UBXN11: variants seen among roughly 807,000 people sequenced by gnomAD.
The protein encoded by UBXN11 is UBX domain protein 11, also known as UBX domain-containing protein 11.
UBXN11 carries 47 observed loss-of-function variants against 62.8 expected under a neutral mutation model. The ratio of observed to expected loss-of-function variants is 0.75; its 90% CI spans 0.59 to 0.95. The LOEUF (loss-of-function observed/expected upper bound fraction) is 0.95. Among genes scored for constraint, UBXN11 ranks in the 40% least tolerant of loss-of-function variants. The pLI, the probability that UBXN11 is intolerant of heterozygous loss-of-function variation, is 0.00. For synonymous variants in UBXN11, 294 were observed against 267.0 expected (o/e 1.10, Z -0.99); for missense variants, 638 against 661.7 (o/e 0.96, Z 0.39).
chr1:26,309,245 AT>A (rs34740186), upstream of UBXN11, among the ~76,000 whole-genome samples: 27 of 112,514 alleles, frequency 2.4e-4, no homozygotes, highest in South Asian at 8.6e-4. Context: ...GAGTCAATTG[AT>A]TTTTTTTTTT....
At chr1:26,299,717 G>C (rs964584681) in intron 4 of UBXN11, among the ~76,000 whole-genome samples, 7 of 152,260 alleles carry the variant, frequency 4.6e-5, no homozygotes, top group African/African-American at 1.4e-4. Flanking sequence ...GTCCTCATCT[G>C]TTACCTTGGT....
intron 1 of UBXN11, among the ~76,000 whole-genome samples, chr1:26,313,514 C>T (rs1278494589): frequency 2.0e-5 from 3 of 152,176 alleles, no homozygotes; most frequent in Non-Finnish European, 4.4e-5. Flanking sequence ...TCTTCCCCCA[C>T]TCAAATATCA....
At chr1:26,287,116 C>G (rs1255841151) in intron 8 of UBXN11, among the ~76,000 whole-genome samples, 1 of 152,116 alleles carries the variant, frequency 6.6e-6, no homozygotes, top group African/African-American at 2.4e-5. Flanking sequence ...CCGGGGCTGA[C>G]TCTCAAGTCT....
chr1:26,304,986 TTG>T (rs900897417), intron 1 of UBXN11, among the ~76,000 whole-genome samples: 20 of 152,010 alleles, frequency 1.3e-4, no homozygotes, highest in African/African-American at 4.6e-4. Flanking sequence ...CCCCTTCAGT[TTG>T]TTTTTCACTT....
rs775419102 is a variant in UBXN11 at position 26,285,351 on chromosome 1, G to GT, written c.852+112dup. On this transcript the variant is annotated intron_variant, in intron 10 of 14. Coordinates refer to ENST00000374222, the MANE Select transcript of UBXN11 (RefSeq NM_001389556.1). ...TCCTCCTGGAGGGCATCAGACTGGG[G>GT]TCCCCCAGGGAGTGCAGCGGCTTCC... 1,682 of 1,536,948 alleles carry GT rather than the reference G, an allele frequency of 1.1e-3. 10 individuals carry two copies. Among genetic ancestry groups the GT allele is most frequent in the Middle Eastern group, 6.6e-3 (29 of 4,394 alleles).
chr1:26,288,729 T>C lies in UBXN11; in HGVS notation c.560-2692A>G, dbSNP rs368402349. Among the ~76,000 whole-genome samples, 62 of 152,310 alleles carry C rather than the reference T, an allele frequency of 4.1e-4. 1 individual carries two copies. The highest frequency in any genetic ancestry group is 1.5e-3 in the African/African-American group (61 of 41,558). ...TGCAATGGGGAGATGGTAAGAACCCTGTACTGCCTGCAAGATCCAGCTGGT... is the reference window on the plus strand; with the variant it reads ...TGCAATGGGGAGATGGTAAGAACCCCGTACTGCCTGCAAGATCCAGCTGGT... On this transcript the variant is annotated intron_variant, in intron 8 of 14. Transcript: ENST00000374222.
At position 26,291,251 on chromosome 1, in the gene UBXN11, G is replaced by A. The variant is rs371000027; in HGVS notation, c.559+2954C>T. Among the ~76,000 whole-genome samples, 23 of 152,324 alleles carry A rather than the reference G, an allele frequency of 1.5e-4. 1 individual carries two copies. The highest frequency in any genetic ancestry group is 5.3e-4 in the African/African-American group (22 of 41,568). On this transcript the variant is annotated intron_variant, in intron 8 of 14. Transcript: ENST00000374222. ...CAGGCTGTGAGCCTGAGGCCCCTGG[G>A]CGGAGCAGGGTGGCACCTGGGGAGA...
intron 1 of UBXN11, among the ~76,000 whole-genome samples, chr1:26,312,049 C>T (rs1480462559): frequency 2.0e-5 from 3 of 152,122 alleles, no homozygotes; most frequent in Non-Finnish European, 4.4e-5. Context: ...GTTCCAGAAA[C>T]CGTCATGTTC....
intron 13 of UBXN11, 25 bp downstream of exon 13, chr1:26,282,839 C>T: frequency 6.2e-7 from 1 of 1,613,564 alleles, no homozygotes; most frequent in Non-Finnish European, 8.5e-7. Flanking sequence ...GCCCCCAGGC[C>T]CTCACCTCCT....
upstream of UBXN11, among the ~76,000 whole-genome samples, chr1:26,308,935 A>ATTTTTTT (rs57323315): frequency 1.8e-5 from 2 of 108,268 alleles, no homozygotes; most frequent in African/African-American, 3.6e-5. Flanking sequence ...CAGTCGTTTG[A>ATTTTTTT]TTTTTTTTTT....
At chr1:26,305,362 A>C (rs1479719927) in intron 1 of UBXN11, among the ~76,000 whole-genome samples, 1 of 152,198 alleles carries the variant, frequency 6.6e-6, no homozygotes, top group Non-Finnish European at 1.5e-5. Context: ...TAATTCACAT[A>C]TTTCACCTTC....
At position 26,282,380 on chromosome 1, in the gene UBXN11, ACTGGGGCCGGGACC is replaced by A. The variant is rs779458406; in HGVS notation, c.1468_1481del (p.Gly490SerfsTer?). ...GACTGGGGCCGGGACCGGGACCGGG[ACTGGGGCCGGGACC>A]GGGACCGGGACAGGGACCAGGACTG... On this transcript the variant is annotated frameshift_variant, in exon 15 of 15. Transcript: ENST00000374222. LOFTEE classifies it low-confidence loss of function (END_TRUNC). The A allele has an allele frequency of 9.9e-4, 537 of 544,862 alleles. 8 individuals are homozygous for A. The highest frequency in any genetic ancestry group is 1.0e-3 in the Non-Finnish European group (411 of 405,244). 33.8% of individuals were successfully genotyped at this position (544,862 alleles called of 1,614,324 possible). A position where few individuals can be genotyped will look rare whatever the true frequency, so the allele number is the denominator to read the frequency against.
rs781223956 is a variant in UBXN11, at chr1:26,285,805, C to T, written c.774+18G>A. 6.3e-7 allele frequency: 1 copy of T among 1,581,228 alleles called. No individual in the cohort carries two copies. Among genetic ancestry groups the T allele is most frequent in the Admixed American group, 1.7e-5 (1 of 58,672 alleles). ...AGCAGGGGCACTAGAGCACCACCCC[C>T]CCCAACACCGCTCCTACCTGTGTGG... On this transcript the variant is annotated intron_variant, in intron 9 of 14. Transcript: ENST00000374222.
In UBXN11 at chr1:26,282,448, G is replaced by C. The variant is rs747239048; in HGVS notation, c.1414C>G (p.Arg472Gly). 25 of 1,603,782 alleles carry C rather than the reference G, an allele frequency of 1.6e-5. No homozygotes were observed. Among genetic ancestry groups the C allele is most frequent in the African/African-American group, 6.7e-5 (5 of 74,648 alleles). The change falls in exon 15 of 15, where the codon CGC becomes GGC. Residue 472 changes from arginine (R) to glycine (G), a missense_variant. Physicochemically the swap from Arg to Gly is moderately radical, Grantham distance 125 (BLOSUM62 -2). Coordinates refer to ENST00000374222, the MANE Select transcript of UBXN11 (RefSeq NM_001389556.1). ...TTCAGGCTGGACTTCGGGGCTCGGC[G>C]TGCCCGCAGCAGCAGTGCTGCTTTG... ...VPKAALLLRA[R>G]RAPKSSLKFS...
In UBXN11 at chr1:26,284,417, A is replaced by G. The variant is rs764353266; in HGVS notation, c.918T>C (p.Arg306=). 6.2e-7 allele frequency: 1 copy of G among 1,613,740 alleles called. No individual in the cohort carries two copies. The highest frequency in any genetic ancestry group is 8.5e-7 in the Non-Finnish European group (1 of 1,179,834). ...TGTGCATCAGCTGCCTGCCCACCAC[A>G]CGGCCCTCGCCTGGGAAGGGGTCCA... is the stretch of plus-strand genomic sequence containing the variant. ...DGLDPFPGEG[R]VVGRQLMHKA... The change falls in exon 11 of 15, where the codon CGT becomes CGC. Residue 306 remains arginine (R), a synonymous_variant. Transcript: ENST00000374222.
intron 1 of UBXN11, among the ~76,000 whole-genome samples, chr1:26,317,486 A>C (rs2073809404): frequency 6.6e-6 from 1 of 152,140 alleles, no homozygotes; most frequent in Admixed American, 6.5e-5. Context: ...TTGAAACATA[A>C]ATCTATCCCA....
intron 5 of UBXN11, 72 bp downstream of exon 5, chr1:26,297,890 C>G (rs2073433832): frequency 6.5e-7 from 1 of 1,527,112 alleles, no homozygotes; most frequent in East Asian, 2.3e-5. Flanking sequence ...CCTAGTCCAA[C>G]TCCTGGCCTC....
At position 26,282,338 on chromosome 1, in the gene UBXN11, G is replaced by A. The variant is rs61775085; in HGVS notation, c.1524C>T (p.Gly508=). 22 of 324,368 alleles carry A rather than the reference G, an allele frequency of 6.8e-5. 1 individual carries two copies. Among genetic ancestry groups the A allele is most frequent in the Non-Finnish European group, 8.8e-5 (19 of 215,186 alleles). The allele number at this position is 324,368 out of a possible 1,614,324, so 20.1% of individuals were successfully genotyped here. Residue 508 remains glycine, a synonymous_variant, in exon 15 of 15, where the codon GGC becomes GGT. Coordinates refer to ENST00000374222, the MANE Select transcript of UBXN11 (RefSeq NM_001389556.1). The part of the protein sequence containing the change: ...GPGPSPGPGP[G]PSPCPGPSPS... ...GACTGGGTCCAGGACAGGGACTGGG[G>A]CCGGGACCGGGACCGGGACTGGGGC...
chr1:26,300,513 CT>C (rs1183033207), intron 4 of UBXN11, among the ~76,000 whole-genome samples: 2 of 152,226 alleles, frequency 1.3e-5, no homozygotes, highest in African/African-American at 4.8e-5. Flanking sequence ...CCCCATCCCA[CT>C]TTAGGTGCCT....
Sources: allele counts gnomAD v4.1 joint callset (sites outside exome capture counted in the v4.1 genomes callset), GRCh38; gene constraint gnomAD v4.1.1; transcripts MANE v1.5; gene names NCBI Gene and HGNC (gene_info 2026-07-23, HGNC 2026-07-21).